JAK2: variants seen among roughly 807,000 people sequenced by gnomAD.
JAK2 encodes tyrosine-protein kinase JAK2.
A neutral mutation model predicts 139.3 loss-of-function variants in JAK2; 86 were observed. The ratio of observed to expected loss-of-function variants is 0.62; its 90% CI spans 0.52 to 0.74. The LOEUF (loss-of-function observed/expected upper bound fraction) is 0.74, where lower values mean the gene tolerates loss of function less well. Ranked by LOEUF, JAK2 falls within the 30% of genes least tolerant of loss-of-function variation. The probability of loss-of-function intolerance (pLI) is 0.00; values close to 1 mark genes in which losing one functional copy is unlikely to be tolerated. For synonymous variants in JAK2, 490 were observed against 437.7 expected (o/e 1.12, Z -1.49); for missense variants, 1,421 against 1,360.3 (o/e 1.04, Z -0.70).
At chr9:5,038,038 AG>A (rs914669504) in intron 4 of JAK2, among the ~76,000 whole-genome samples, 8 of 152,218 alleles carry the variant, frequency 5.3e-5, no homozygotes, top group Non-Finnish European at 7.3e-5. Flanking sequence ...TTTAGCACAT[AG>A]TTACAACTAT....
At position 5,123,041 on chromosome 9, in the gene JAK2, G is replaced by A. The variant is rs1006182223; in HGVS notation, c.3097G>A (p.Val1033Met). The A allele has an allele frequency of 3.1e-6, 5 of 1,611,192 alleles. No individual in the cohort carries two copies. The highest frequency in any genetic ancestry group is 4.2e-6 in the Non-Finnish European group (5 of 1,178,256). The part of the protein sequence containing the change: ...PESLTESKFS[V>M]ASDVWSFGVV... Reference sequence around the variant, plus strand: ...ATCACTGACAGAGAGCAAGTTTTCTGTGGCCTCAGATGTTTGGAGCTTTGG... The same window carrying A: ...ATCACTGACAGAGAGCAAGTTTTCTATGGCCTCAGATGTTTGGAGCTTTGG... Residue 1033 changes from valine to methionine, a missense_variant, in exon 23 of 25, where the codon GTG (valine) becomes ATG (methionine). Val to Met is a conservative substitution (Grantham distance 21). Coordinates refer to ENST00000381652, the MANE Select transcript of JAK2 (RefSeq NM_004972.4).
At chr9:5,106,504 G>T (rs1188855606) in intron 22 of JAK2, among the ~76,000 whole-genome samples, 2 of 152,130 alleles carry the variant, frequency 1.3e-5, no homozygotes, top group East Asian at 1.9e-4. Flanking sequence ...ACTCCTCAAG[G>T]ATCTAGAACT....
At chr9:5,060,771 C>G (rs558785809) in intron 8 of JAK2, among the ~76,000 whole-genome samples, 3 of 152,204 alleles carry the variant, frequency 2.0e-5, no homozygotes, top group African/African-American at 7.2e-5. Context: ...GATGTTCTTC[C>G]TGGCATCAAG....
At position 5,104,711 on chromosome 9, in the gene JAK2, C is replaced by T. The variant is rs146934558; in HGVS notation, c.3059+13800C>T. ...AGCACATCCAAAAGCTTATCAACCA[C>T]GATCAAGTCGGCTTCATCCCTAGGA... On this transcript the variant is annotated intron_variant, in intron 22 of 24. Transcript: ENST00000381652. 7.0e-3 allele frequency among the ~76,000 whole-genome samples: 1,064 copies of T among 152,288 alleles called. 11 individuals are homozygous for T. Among genetic ancestry groups the T allele is most frequent in the African/African-American group, 0.023 (950 of 41,570 alleles).
intron 4 of JAK2, chr9:5,041,678 C>G: frequency 7.8e-6 from 4 of 511,498 alleles, no homozygotes; most frequent in South Asian, 6.0e-5. Flanking sequence ...CCAGCTACCT[C>G]TTCGACCGAA....
In JAK2 at chr9:5,089,658, G is replaced by A. The variant is rs528362912; in HGVS notation, c.2572-16G>A. 4 of 1,268,500 alleles carry A rather than the reference G, an allele frequency of 3.2e-6. No homozygotes were observed. The highest frequency in any genetic ancestry group is 4.1e-6 in the Non-Finnish European group (4 of 982,562). The allele number at this position is 1,268,500 out of a possible 1,614,324, so 78.6% of individuals were successfully genotyped here. A position where few individuals can be genotyped will look rare whatever the true frequency, so the allele number is the denominator to read the frequency against. ...GAAAACTTGGTATTTCCATCCTAAT[G>A]TGATGTGTCATTTAGGGTAATTTTG... On this transcript the variant is annotated splice_polypyrimidine_tract_variant and intron_variant, in intron 19 of 24. Transcript: ENST00000381652.
rs1299616984 is a variant in JAK2 at position 5,001,549 on chromosome 9, G to C, written c.-26+15527G>C. The stretch of plus-strand genomic sequence containing the variant: ...CTGGAATAAAACCCACTTGGTGATG[G>C]TGTTCTGACCTTTTTATATGCTCCT... On this transcript the variant is annotated intron_variant, in intron 2 of 24. Transcript: ENST00000381652. Among the ~76,000 whole-genome samples the C allele has an allele frequency of 4.6e-5, 7 of 151,908 alleles. 1 individual carries two copies. In the East Asian group the frequency reaches 1.3e-3, roughly 29 times the overall value.
chr9:5,051,967 G>GA lies in JAK2; in HGVS notation c.614+1146dup, dbSNP rs528603137. On this transcript the variant is annotated intron_variant, in intron 6 of 24. Coordinates refer to ENST00000381652, the MANE Select transcript of JAK2 (RefSeq NM_004972.4). ...ATCTAGAAGATTCCAAAGCCCAAAG[G>GA]AAAAAAAAAACACATTCATTCATTC... Among the ~76,000 whole-genome samples the GA allele has an allele frequency of 1.6e-3, 230 of 145,170 alleles. 6 individuals carry two copies. Among genetic ancestry groups the GA allele is most frequent in the South Asian group, 0.011 (49 of 4,570 alleles).
chr9:5,042,283 G>A (rs1486570685), intron 4 of JAK2, among the ~76,000 whole-genome samples: 2 of 151,636 alleles, frequency 1.3e-5, no homozygotes, highest in Non-Finnish European at 1.5e-5. Flanking sequence ...GACTACAGGC[G>A]CCCGCCACCG....
At chr9:5,033,857 G>T (rs969186869) in intron 4 of JAK2, among the ~76,000 whole-genome samples, 20 of 152,088 alleles carry the variant, frequency 1.3e-4, no homozygotes, top group African/African-American at 4.3e-4. Flanking sequence ...ACCAGGTAAC[G>T]TCATAAAGAC....
intron 22 of JAK2, among the ~76,000 whole-genome samples, chr9:5,092,025 G>A (rs1418767121): frequency 1.3e-5 from 2 of 151,998 alleles, no homozygotes; most frequent in East Asian, 1.9e-4. Flanking sequence ...GAGTTAATTC[G>A]GAGAGGATTA....
chr9:5,041,649 G>C (rs573454345), intron 4 of JAK2: 1 of 506,830 alleles, frequency 2.0e-6, no homozygotes, highest in East Asian at 5.3e-5. Flanking sequence ...GCTCGACTAC[G>C]ACTACCTGCG....
At chr9:4,991,896 C>G (rs1820276666) in intron 2 of JAK2, among the ~76,000 whole-genome samples, 1 of 152,168 alleles carries the variant, frequency 6.6e-6, no homozygotes, top group Admixed American at 6.5e-5. Flanking sequence ...TTCTTGCCTT[C>G]TCAATTCTTC....
intron 22 of JAK2, among the ~76,000 whole-genome samples, chr9:5,115,877 G>A (rs1012543908): frequency 6.6e-6 from 1 of 152,122 alleles, no homozygotes; most frequent in African/African-American, 2.4e-5. Context: ...TGGACACAGG[G>A]AGGGGAACAT....
intron 4 of JAK2, chr9:5,041,610 G>T (rs991829815): frequency 1.4e-5 from 7 of 495,680 alleles, no homozygotes; most frequent in Non-Finnish European, 2.4e-5. Context: ...GCCCGACTGT[G>T]ACTACATGCG....
intron 5 of JAK2, 93 bp from the exon 6 acceptor site, chr9:5,050,593 A>G: frequency 7.6e-7 from 1 of 1,310,924 alleles, no homozygotes; most frequent in East Asian, 2.5e-5. Flanking sequence ...GTAAATGCAT[A>G]TGTTCTGAAA....
intron 2 of JAK2, among the ~76,000 whole-genome samples, chr9:5,015,721 C>A (rs1822009993): frequency 1.3e-5 from 2 of 151,914 alleles, no homozygotes; most frequent in African/African-American, 2.4e-5. Context: ...TCTTTTGATT[C>A]TTTTTCGTAG....
chr9:5,071,196 CTT>C (rs765887863), intron 12 of JAK2, among the ~76,000 whole-genome samples: 3 of 152,106 alleles, frequency 2.0e-5, no homozygotes, highest in Non-Finnish European at 2.9e-5. Flanking sequence ...ACAAAAAAAT[CTT>C]TTCGGAACCA....
intron 4 of JAK2, among the ~76,000 whole-genome samples, chr9:5,038,380 C>CA (rs1017331276): frequency 1.6e-4 from 24 of 151,992 alleles, no homozygotes; most frequent in African/African-American, 4.3e-4. Flanking sequence ...TAGTTATTCA[C>CA]AAAAAATAGA....
Sources: allele counts gnomAD v4.1 joint callset (sites outside exome capture counted in the v4.1 genomes callset), GRCh38; gene constraint gnomAD v4.1.1; transcripts MANE v1.5; gene names NCBI Gene and HGNC (gene_info 2026-07-23, HGNC 2026-07-21).